TAMM41: variants seen among roughly 807,000 people sequenced by gnomAD.
TAMM41 encodes the protein TAM41 mitochondrial translocator assembly and maintenance homolog.
Under a neutral mutation model 44.1 loss-of-function variants are expected in TAMM41, and 36 were observed. The ratio of observed to expected loss-of-function variants is 0.82; its 90% CI spans 0.63 to 1.08. The LOEUF (loss-of-function observed/expected upper bound fraction) is 1.08. Ranked by LOEUF, TAMM41 falls within the 50% of genes least tolerant of loss-of-function variation. TAMM41 has a pLI of 0.00. For synonymous variants in TAMM41, 164 were observed against 153.1 expected (o/e 1.07, Z -0.53); for missense variants, 417 against 404.3 (o/e 1.03, Z -0.27).
rs375226369 is a variant in TAMM41, at chr3:11,794,298, G to A, written c.938-3717C>T. Among the ~76,000 whole-genome samples, 81 of 152,006 alleles carry A rather than the reference G, an allele frequency of 5.3e-4. 1 individual carries two copies. The East Asian group carries it at 0.013, about 24-fold the overall frequency. On this transcript the variant is annotated intron_variant, in intron 7 of 7. Transcript: ENST00000455809. ...GCTACAGGTACATGCCACCACGCCCGGCTAATTTTATTTTATTTTTGTAGA... is the reference window on the plus strand; with the variant it reads ...GCTACAGGTACATGCCACCACGCCCAGCTAATTTTATTTTATTTTTGTAGA...
At chr3:11,832,765 C>T (rs1473293829) in intron 3 of TAMM41, among the ~76,000 whole-genome samples, 1 of 152,188 alleles carries the variant, frequency 6.6e-6, no homozygotes, top group African/African-American at 2.4e-5. Flanking sequence ...CATCACACAT[C>T]CTTCTCAATA....
At chr3:11,762,559 C>T in the TAMM41 span, among the ~76,000 whole-genome samples, 139 of 152,330 alleles carry the variant, frequency 9.1e-4, 1 homozygote, top group African/African-American at 3.2e-3. Flanking sequence ...TAAACTTAGA[C>T]TCCCACTACT....
chr3:11,740,631 A>G, the TAMM41 span, among the ~76,000 whole-genome samples: 1 of 151,448 alleles, frequency 6.6e-6, no homozygotes, highest in East Asian at 2.0e-4. Context: ...TGCCCAGGCT[A>G]GAGTGCAATG....
chr3:11,781,532 C>T, the TAMM41 span, among the ~76,000 whole-genome samples: 2 of 151,934 alleles, frequency 1.3e-5, no homozygotes, highest in Non-Finnish European at 2.9e-5. Context: ...GTCAGGAGTT[C>T]GAGAGCAGCC....
Position 11,807,900 on chromosome 3 carries a change from G to A in TAMM41, c.875-5C>T, listed in dbSNP as rs965716679. The A allele has an allele frequency of 1.3e-5, 20 of 1,506,326 alleles. 1 individual carries two copies. Among genetic ancestry groups the A allele is most frequent in the South Asian group, 5.1e-5 (4 of 79,140 alleles). 93.3% of individuals were successfully genotyped at this position (1,506,326 alleles called of 1,614,324 possible). A position where few individuals can be genotyped will look rare whatever the true frequency, so the allele number is the denominator to read the frequency against. ...GTCTCACGATTGCTGAAAGCCCTGC[G>A]AGAAAAAAACCAAAAAGGAGACCAA... On this transcript the variant is annotated splice_polypyrimidine_tract_variant and splice_region_variant and intron_variant, in intron 6 of 7. Transcript: ENST00000455809.
At chr3:11,727,713 G>A in the TAMM41 span, among the ~76,000 whole-genome samples, 2 of 151,662 alleles carry the variant, frequency 1.3e-5, no homozygotes, top group East Asian at 1.9e-4. Context: ...TGATCCTCCC[G>A]CCTTGGCCTC....
Position 11,846,840 on chromosome 3 carries a change from C to T in TAMM41, c.-204G>A, listed in dbSNP as rs763959187. 5 of 633,704 alleles carry T rather than the reference C, an allele frequency of 7.9e-6. No homozygotes were observed. The highest frequency in any genetic ancestry group is 1.8e-5 in the African/African-American group (1 of 54,356). The allele number at this position is 633,704 out of a possible 1,614,324, so 39.3% of individuals were successfully genotyped here. On this transcript the variant is annotated 5_prime_UTR_variant, in exon 1 of 8. Transcript: ENST00000455809. Reference sequence around the variant, plus strand: ...AAGAGCAGCGGCGAGAAGACGCAGCCCAGATAGGCTCGGGTGGGCGGCGGT... The same window carrying T: ...AAGAGCAGCGGCGAGAAGACGCAGCTCAGATAGGCTCGGGTGGGCGGCGGT...
chr3:11,800,777 A>G (rs1473502339), intron 7 of TAMM41, among the ~76,000 whole-genome samples: 2 of 152,226 alleles, frequency 1.3e-5, no homozygotes, highest in African/African-American at 4.8e-5. Context: ...AAAAATTAAC[A>G]AAGAAACACT....
chr3:11,808,566 G>A (rs2077989640), intron 6 of TAMM41: 5 of 985,458 alleles, frequency 5.1e-6, no homozygotes, highest in South Asian at 4.7e-5. Flanking sequence ...GCACGCGGAG[G>A]AGCTCAGTAA....
chr3:11,735,911 T>C, the TAMM41 span, among the ~76,000 whole-genome samples: 1 of 151,796 alleles, frequency 6.6e-6, no homozygotes, highest in Non-Finnish European at 1.5e-5. Flanking sequence ...GGGCCCAGCG[T>C]GGCTGCAGTG....
the TAMM41 span, among the ~76,000 whole-genome samples, chr3:11,754,698 T>C: frequency 6.9e-6 from 1 of 145,110 alleles, no homozygotes; most frequent in Non-Finnish European, 1.5e-5. Context: ...CTGAAACATT[T>C]CTCAGATCTC....
intron 7 of TAMM41, among the ~76,000 whole-genome samples, chr3:11,791,104 T>C (rs1039730007): frequency 6.6e-6 from 1 of 152,188 alleles, no homozygotes; most frequent in Non-Finnish European, 1.5e-5. Flanking sequence ...CCCCACAGCA[T>C]CTGTGCTCAC....
chr3:11,744,364 G>A, the TAMM41 span, among the ~76,000 whole-genome samples: 12 of 150,840 alleles, frequency 8.0e-5, no homozygotes, highest in African/African-American at 1.7e-4. Flanking sequence ...CACCATGCCC[G>A]GCCAAGAATA....
intron 5 of TAMM41, among the ~76,000 whole-genome samples, chr3:11,816,590 C>T (rs1349104081): frequency 2.6e-5 from 4 of 152,086 alleles, no homozygotes; most frequent in African/African-American, 9.6e-5. Flanking sequence ...ATGGCAAAAC[C>T]CTGTCTCTAC....
the TAMM41 span, among the ~76,000 whole-genome samples, chr3:11,775,504 G>A: frequency 1.3e-5 from 2 of 152,214 alleles, no homozygotes; most frequent in Non-Finnish European, 2.9e-5. Flanking sequence ...AATGGTTATA[G>A]ATTTAGAGAG....
At chr3:11,833,317 G>A (rs1386967013) in intron 3 of TAMM41, among the ~76,000 whole-genome samples, 1 of 152,204 alleles carries the variant, frequency 6.6e-6, no homozygotes, top group African/African-American at 2.4e-5. Context: ...GGAGATATTT[G>A]TGAGTACCTT....
chr3:11,734,976 G>A, the TAMM41 span, among the ~76,000 whole-genome samples: 1 of 151,616 alleles, frequency 6.6e-6, no homozygotes, highest in African/African-American at 2.4e-5. Flanking sequence ...CTGAACCCGG[G>A]AGGCGGAGCT....
At chr3:11,796,144 T>C (rs202121723) in intron 7 of TAMM41, among the ~76,000 whole-genome samples, 2 of 152,216 alleles carry the variant, frequency 1.3e-5, no homozygotes, top group East Asian at 3.8e-4. Context: ...TGAGACTGCA[T>C]TGAGGACATA....
chr3:11,722,545 A>G, the TAMM41 span, among the ~76,000 whole-genome samples: 1 of 152,234 alleles, frequency 6.6e-6, no homozygotes, highest in Non-Finnish European at 1.5e-5. Context: ...ATACAGCATA[A>G]TACTCTATTT....
Sources: gnomAD v4.1 joint callset for allele counts (sites outside exome capture counted in the v4.1 genomes callset) on GRCh38, gnomAD v4.1.1 for gene constraint, MANE v1.5 for transcripts, NCBI Gene and HGNC (gene_info 2026-07-23, HGNC 2026-07-21) for gene names.